Variants in CNTN6 observed in about 807,000 individuals in gnomAD.
CNTN6 encodes the protein contactin 6.
A neutral mutation model predicts 122.8 loss-of-function variants in CNTN6; 137 were observed. The ratio of observed to expected loss-of-function variants is 1.12; its 90% CI spans 0.97 to 1.29. The LOEUF (loss-of-function observed/expected upper bound fraction) is 1.29. Among genes scored for constraint, CNTN6 ranks in the 50% most tolerant of loss-of-function variants. CNTN6 has a pLI of 0.00. For missense variants in CNTN6, 1,634 were observed against 1,223.4 expected, an observed-to-expected ratio of 1.34 and a Z score of -5.01; for synonymous variants, 570 against 426.0, an observed-to-expected ratio of 1.34 and a Z score of -4.16.
intron 20 of CNTN6, among the ~76,000 whole-genome samples, chr3:1,395,786 G>A (rs1232535315): frequency 6.6e-6 from 1 of 152,094 alleles, no homozygotes; most frequent in Non-Finnish European, 1.5e-5. Context: ...GCACTTCTAT[G>A]TCCCCAGCCC....
chr3:1,337,313 T>A (rs1417307207), intron 11 of CNTN6, among the ~76,000 whole-genome samples: 1 of 152,136 alleles, frequency 6.6e-6, no homozygotes, highest in Non-Finnish European at 1.5e-5. Context: ...ATTATATGAT[T>A]CTTCCTCCCT....
intron 1 of CNTN6, among the ~76,000 whole-genome samples, chr3:1,103,772 A>G (rs951276852): frequency 1.4e-4 from 22 of 152,158 alleles, no homozygotes; most frequent in Admixed American, 7.9e-4. Flanking sequence ...CCAAAGAAAC[A>G]TGGAACAAAA....
chr3:1,344,333 CA>C lies in CNTN6; in HGVS notation c.1365-7990del, dbSNP rs559995224. ...GCTTGACATCGTAGGTTGTCAGCTA[CA>C]TAGGTTGCTTCCAGACAGGCTGTAT... On this transcript the variant is annotated intron_variant, in intron 11 of 22. Coordinates refer to ENST00000446702, the MANE Select transcript of CNTN6 (RefSeq NM_001289080.2). Among the ~76,000 whole-genome samples, 605 of 152,190 alleles carry C rather than the reference CA, an allele frequency of 4.0e-3. 1 individual carries two copies. The highest frequency in any genetic ancestry group is 5.6e-3 in the Non-Finnish European group (381 of 68,004).
intron 2 of CNTN6, among the ~76,000 whole-genome samples, chr3:1,157,083 C>A (rs1351233053): frequency 6.6e-6 from 1 of 151,356 alleles, no homozygotes; most frequent in Non-Finnish European, 1.5e-5. Context: ...TTATGGGGTA[C>A]ATGAGATATT....
At chr3:1,262,658 C>G (rs1219485190) in intron 4 of CNTN6, among the ~76,000 whole-genome samples, 2 of 152,096 alleles carry the variant, frequency 1.3e-5, no homozygotes, top group Non-Finnish European at 2.9e-5. Flanking sequence ...TCGTTTAGGC[C>G]TTATGGCATT....
chr3:1,158,893 T>C lies in CNTN6; in HGVS notation c.55+10830T>C, dbSNP rs13089037. 1.9e-4 allele frequency among the ~76,000 whole-genome samples: 16 copies of C among 82,306 alleles called. 2 individuals carry two copies. The highest frequency in any genetic ancestry group is 5.1e-4 in the African/African-American group (10 of 19,466). The allele number at this position is 82,306 out of a possible 152,430, so 54.0% of individuals were successfully genotyped here. Reference sequence around the variant, plus strand: ...ATATATATACACATATATACACACATATATATACACATATATATACACACA... The same window carrying C: ...ATATATATACACATATATACACACACATATATACACATATATATACACACA... On this transcript the variant is annotated intron_variant, in intron 2 of 22. Transcript: ENST00000446702.
intron 7 of CNTN6, among the ~76,000 whole-genome samples, chr3:1,311,878 T>C (rs1027094853): frequency 6.6e-6 from 1 of 152,122 alleles, no homozygotes. Flanking sequence ...CAATGAGATA[T>C]TTCAATATAT....
intron 5 of CNTN6, among the ~76,000 whole-genome samples, chr3:1,290,126 G>A (rs1318934485): frequency 6.6e-6 from 1 of 152,168 alleles, no homozygotes; most frequent in East Asian, 1.9e-4. Context: ...GCGGCTTGTG[G>A]TTTAGCAAGT....
intron 2 of CNTN6, among the ~76,000 whole-genome samples, chr3:1,174,087 T>C (rs985589202): frequency 1.3e-5 from 2 of 152,188 alleles, no homozygotes; most frequent in African/African-American, 4.8e-5. Context: ...TCATAGTGTC[T>C]CTCTCCAGAG....
intron 2 of CNTN6, among the ~76,000 whole-genome samples, chr3:1,203,652 G>A (rs2093916623): frequency 6.6e-6 from 1 of 152,150 alleles, no homozygotes; most frequent in African/African-American, 2.4e-5. Context: ...CGTGGTTGAT[G>A]GACTGGCATG....
rs1559457406 is a variant in CNTN6, at chr3:1,175,319, T to TG, written c.55+27256_55+27257insG. On this transcript the variant is annotated intron_variant, in intron 2 of 22. Transcript: ENST00000446702. ...GTTCAAATAACACTACCATAAAAAA[T>TG]TGACTTTCTAACTAAAATGTGAATA... 6.4e-3 allele frequency among the ~76,000 whole-genome samples: 971 copies of TG among 151,182 alleles called. 11 individuals carry two copies. Among genetic ancestry groups the TG allele is most frequent in the African/African-American group, 0.023 (930 of 41,156 alleles).
At chr3:1,273,479 C>T (rs1305249125) in intron 4 of CNTN6, among the ~76,000 whole-genome samples, 2 of 152,126 alleles carry the variant, frequency 1.3e-5, no homozygotes, top group African/African-American at 2.4e-5. Flanking sequence ...ACCCTTGCCT[C>T]AGAAAATGAT....
chr3:1,229,689 T>C (rs754013325), intron 4 of CNTN6, among the ~76,000 whole-genome samples: 6 of 152,198 alleles, frequency 3.9e-5, no homozygotes, highest in African/African-American at 9.6e-5. Flanking sequence ...ATTTTGTTTA[T>C]GCCATATCAG....
intron 7 of CNTN6, among the ~76,000 whole-genome samples, chr3:1,301,126 TC>T (rs1389639254): frequency 6.8e-6 from 1 of 146,710 alleles, no homozygotes; most frequent in Non-Finnish European, 1.5e-5. Context: ...AACCTCCGCG[TC>T]CCCGGTTCAA....
At chr3:1,192,555 G>A (rs571693738) in intron 2 of CNTN6, among the ~76,000 whole-genome samples, 13 of 152,256 alleles carry the variant, frequency 8.5e-5, no homozygotes, top group East Asian at 3.9e-4. Flanking sequence ...AGTCTACAGA[G>A]TCCAGAACTG....
At chr3:1,243,948 G>A (rs1307364920) in intron 4 of CNTN6, among the ~76,000 whole-genome samples, 2 of 152,122 alleles carry the variant, frequency 1.3e-5, no homozygotes, top group African/African-American at 4.8e-5. Flanking sequence ...GAGGATCTGG[G>A]AGGAATCGCA....
chr3:1,339,292 C>T (rs1375475198), intron 11 of CNTN6, among the ~76,000 whole-genome samples: 1 of 152,120 alleles, frequency 6.6e-6, no homozygotes, highest in Non-Finnish European at 1.5e-5. Context: ...AATCCCCTAG[C>T]TCTCCAAGGA....
chr3:1,339,245 A>G (rs1241598075), intron 11 of CNTN6, among the ~76,000 whole-genome samples: 3 of 152,204 alleles, frequency 2.0e-5, no homozygotes, highest in Non-Finnish European at 2.9e-5. Flanking sequence ...GCCCTCCTCA[A>G]TCCCTCTCAC....
rs146815559 is a variant in CNTN6 at position 1,301,124 on chromosome 3, C to T, written c.761+3133C>T. Among the ~76,000 whole-genome samples, 475 of 146,300 alleles carry T rather than the reference C, an allele frequency of 3.2e-3. 3 individuals carry two copies. Among genetic ancestry groups the T allele is most frequent in the African/African-American group, 0.011 (425 of 39,624 alleles). ...CGATCTCGGCTCACTGCAACCTCCG[C>T]GTCCCCGGTTCAAGTGATTCTCCTG... On this transcript the variant is annotated intron_variant, in intron 7 of 22. Coordinates refer to ENST00000446702, the MANE Select transcript of CNTN6 (RefSeq NM_001289080.2).
Sources: allele counts gnomAD v4.1 joint callset (sites outside exome capture counted in the v4.1 genomes callset), GRCh38; gene constraint gnomAD v4.1.1; transcripts MANE v1.5; gene names NCBI Gene and HGNC (gene_info 2026-07-23, HGNC 2026-07-21).